The following SIPA1L1 variants were observed in gnomAD, a reference collection of about 807,000 sequenced individuals.
SIPA1L1 encodes signal-induced proliferation-associated 1-like protein 1.
In SIPA1L1, 26 loss-of-function variants were observed where a neutral mutation model predicts 162.7. The ratio of observed to expected loss-of-function variants is 0.16; its 90% CI spans 0.12 to 0.22. The LOEUF is 0.22. Ranked by LOEUF, SIPA1L1 falls within the 10% of genes least tolerant of loss-of-function variation. The pLI is 1.00. For missense variants in SIPA1L1, 1,874 were observed against 2,241.0 expected (o/e 0.84, Z 3.31); for synonymous variants, 829 against 837.4 (o/e 0.99, Z 0.17).
At chr14:71,633,193 A>G (rs537932171) in intron 7 of SIPA1L1, among the ~76,000 whole-genome samples, 1 of 151,592 alleles carries the variant, frequency 6.6e-6, no homozygotes, top group African/African-American at 2.4e-5. Context: ...ATGGGGCCTC[A>G]CTCTGTCGCC....
At chr14:71,642,564 C>T (rs1208846081) in intron 7 of SIPA1L1, among the ~76,000 whole-genome samples, 1 of 152,176 alleles carries the variant, frequency 6.6e-6, no homozygotes, top group Non-Finnish European at 1.5e-5. Context: ...AAGGCTCAAA[C>T]TCTTGCCAAG....
chr14:71,529,572 C>T (rs773638199), intron 4 of SIPA1L1, among the ~76,000 whole-genome samples: 17 of 152,290 alleles, frequency 1.1e-4, no homozygotes, highest in Non-Finnish European at 2.4e-4. Flanking sequence ...TGATTTATTT[C>T]GTATTCTGAT....
Position 71,705,118 on chromosome 14 carries a change from C to T in SIPA1L1, c.3647-104C>T, listed in dbSNP as rs1282640692. The T allele has an allele frequency of 4.1e-5, 33 of 803,672 alleles. No individual in the cohort carries two copies. In the East Asian group the frequency reaches 8.1e-4, roughly 20 times the overall value. 49.8% of individuals were successfully genotyped at this position (803,672 alleles called of 1,614,324 possible). Reference sequence around the variant, plus strand: ...GCTTACTGCTGAAATGCAGAGTTTGCTGGTCAGTGAACTGAAAGATGCAAT... The same window carrying T: ...GCTTACTGCTGAAATGCAGAGTTTGTTGGTCAGTGAACTGAAAGATGCAAT... On this transcript the variant is annotated intron_variant, in intron 15 of 23. Coordinates refer to ENST00000381232, the MANE Select transcript of SIPA1L1 (RefSeq NM_001386936.1).
chr14:71,360,014 G>A (rs1276648050), intron 2 of SIPA1L1, among the ~76,000 whole-genome samples: 4 of 152,198 alleles, frequency 2.6e-5, no homozygotes, highest in African/African-American at 9.6e-5. Context: ...GGTGATGGAG[G>A]ATGGATGAGG....
At chr14:71,723,371 T>TGTGAAAAAA (rs1476196587) in intron 17 of SIPA1L1, among the ~76,000 whole-genome samples, 1 of 152,322 alleles carries the variant, frequency 6.6e-6, no homozygotes, top group South Asian at 2.1e-4. Context: ...GTGGTGCCAA[T>TGTGAAAAAA]GTGAAAAAAG....
At chr14:71,440,956 G>A (rs890542244) in intron 2 of SIPA1L1, among the ~76,000 whole-genome samples, 6 of 151,998 alleles carry the variant, frequency 3.9e-5, no homozygotes, top group Admixed American at 3.3e-4. Flanking sequence ...CTGTATCTTT[G>A]CATAAAACTG....
At position 71,732,344 on chromosome 14, in the gene SIPA1L1, G is replaced by C. The variant is rs1011156725; in HGVS notation, c.4862-1322G>C. 3.3e-5 allele frequency among the ~76,000 whole-genome samples: 5 copies of C among 152,304 alleles called. No individual in the cohort carries two copies. In the East Asian group the frequency reaches 5.8e-4, roughly 18 times the overall value. ...TAGCTGTGTGTTTGCATGGACCTGA[G>C]TGTCGCAGTCACCTTCCAAGGGTGC... On this transcript the variant is annotated intron_variant, in intron 20 of 23. Coordinates refer to ENST00000381232, the MANE Select transcript of SIPA1L1 (RefSeq NM_001386936.1).
chr14:71,689,561 CTG>C (rs1329932263), intron 13 of SIPA1L1, among the ~76,000 whole-genome samples: 1 of 152,198 alleles, frequency 6.6e-6, no homozygotes. Flanking sequence ...AAACCCTGAT[CTG>C]TGTTAATATG....
In SIPA1L1 at chr14:71,730,109, C is replaced by G; in HGVS notation, c.4669C>G (p.Arg1557Gly). The change falls in exon 20 of 24, where the codon CGG becomes GGG. Residue 1557 changes from arginine (R) to glycine (G), a missense_variant. Physicochemically the swap from Arg to Gly is moderately radical, Grantham distance 125 (BLOSUM62 -2). Transcript: ENST00000381232. Reference protein sequence around the residue: ...SPFPSTPTSRRALHRTLSDES... With the variant: ...SPFPSTPTSRGALHRTLSDES... ...TTTCCCCAGCACCCCCACCTCACGGCGGGCCTTGCACAGAACACTGTCGGA... is the reference window on the plus strand; with the variant it reads ...TTTCCCCAGCACCCCCACCTCACGGGGGGCCTTGCACAGAACACTGTCGGA... The G allele has an allele frequency of 6.2e-7, 1 of 1,614,118 alleles. No homozygotes were observed. The highest frequency in any genetic ancestry group is 8.5e-7 in the Non-Finnish European group (1 of 1,179,976).
At chr14:71,367,337 C>T (rs1403262735) in intron 2 of SIPA1L1, among the ~76,000 whole-genome samples, 1 of 144,226 alleles carries the variant, frequency 6.9e-6, no homozygotes, top group Non-Finnish European at 1.5e-5. Flanking sequence ...TATGGAGTCT[C>T]GCTGTGTCTC....
intron 2 of SIPA1L1, among the ~76,000 whole-genome samples, chr14:71,440,552 G>A (rs1595473742): frequency 6.7e-6 from 1 of 149,118 alleles, no homozygotes; most frequent in South Asian, 2.1e-4. Flanking sequence ...AGGAGGCTGA[G>A]CGGGGAGGAT....
At chr14:71,379,076 G>C (rs896182009) in intron 2 of SIPA1L1, among the ~76,000 whole-genome samples, 1 of 152,038 alleles carries the variant, frequency 6.6e-6, no homozygotes, top group African/African-American at 2.4e-5. Context: ...TGAATAGATT[G>C]CTTCCTCCTG....
chr14:71,336,483 T>C (rs1209320276), intron 2 of SIPA1L1, among the ~76,000 whole-genome samples: 1 of 152,236 alleles, frequency 6.6e-6, no homozygotes, highest in Non-Finnish European at 1.5e-5. Flanking sequence ...GTTTTGTGAC[T>C]GGCTTCTTTC....
intron 5 of SIPA1L1, among the ~76,000 whole-genome samples, chr14:71,600,978 C>G (rs1281562892): frequency 1.3e-5 from 2 of 152,050 alleles, no homozygotes; most frequent in South Asian, 2.1e-4. Flanking sequence ...ATTTAATGAT[C>G]CAGATCTAAG....
chr14:71,391,239 T>C (rs1467533787), intron 2 of SIPA1L1, among the ~76,000 whole-genome samples: 1 of 151,610 alleles, frequency 6.6e-6, no homozygotes, highest in East Asian at 1.9e-4. Context: ...CCCGAGTAGC[T>C]GGGACTACAG....
At chr14:71,387,587 C>G (rs904035554) in intron 2 of SIPA1L1, among the ~76,000 whole-genome samples, 3 of 152,168 alleles carry the variant, frequency 2.0e-5, no homozygotes, top group Non-Finnish European at 4.4e-5. Context: ...GTCTGAATAA[C>G]AGAAGGCACA....
Position 71,366,317 on chromosome 14 carries a change from A to C in SIPA1L1, c.-465+45136A>C, listed in dbSNP as rs146700527. Among the ~76,000 whole-genome samples, 139 of 152,302 alleles carry C rather than the reference A, an allele frequency of 9.1e-4. 3 individuals carry two copies. The East Asian group carries it at 0.023, about 25-fold the overall frequency. On this transcript the variant is annotated intron_variant, in intron 2 of 23. Coordinates refer to ENST00000381232, the MANE Select transcript of SIPA1L1 (RefSeq NM_001386936.1). ...ACTTTGAACTTTCACAGGAACCAGA[A>C]GCACTGCAGAGAGAGAGAATGCCTT... is the stretch of plus-strand genomic sequence containing the variant.
chr14:71,535,296 G>A (rs1001703024), intron 4 of SIPA1L1, among the ~76,000 whole-genome samples: 1 of 152,146 alleles, frequency 6.6e-6, no homozygotes, highest in African/African-American at 2.4e-5. Flanking sequence ...TTTTATTTAA[G>A]ATAAAAGAAA....
In SIPA1L1 at chr14:71,738,346, CA is replaced by C. The variant is rs769992334; in HGVS notation, c.5208+24del. 3.9e-6 allele frequency: 6 copies of C among 1,543,658 alleles called. No homozygotes were observed. The East Asian group carries it at 1.3e-4, about 35-fold the overall frequency. ...AGAAGGTAAACATGTATTCTCAAAG[CA>C]AATTGTCCAGTCTGTACAAACTACC... On this transcript the variant is annotated intron_variant, in intron 23 of 23. Transcript: ENST00000381232.
Sources: gnomAD v4.1 joint callset for allele counts (sites outside exome capture counted in the v4.1 genomes callset) on GRCh38, gnomAD v4.1.1 for gene constraint, MANE v1.5 for transcripts, NCBI Gene and HGNC (gene_info 2026-07-23, HGNC 2026-07-21) for gene names.